Variants in DZIP1 observed in about 807,000 individuals in gnomAD.
DZIP1 encodes the protein DAZ interacting zinc finger protein 1.
In DZIP1, 97 loss-of-function variants were observed where a neutral mutation model predicts 107.6. The observed-to-expected ratio is 0.90, with a 90% CI of 0.77 to 1.07. The LOEUF (loss-of-function observed/expected upper bound fraction) is 1.07. Among genes scored for constraint, DZIP1 ranks in the 50% least tolerant of loss-of-function variants. The pLI is 0.00. For missense variants in DZIP1, 1,035 were observed against 1,063.6 expected (o/e 0.97, Z 0.37); for synonymous variants, 390 against 386.4 (o/e 1.01, Z -0.11).
intron 9 of DZIP1, among the ~76,000 whole-genome samples, chr13:95,621,747 C>T (rs906711252): frequency 6.7e-6 from 1 of 148,412 alleles, no homozygotes; most frequent in Non-Finnish European, 1.5e-5. Flanking sequence ...GACTGAGTAT[C>T]ACTCTTGTTG....
At chr13:95,613,454 G>C (rs1187848626) in intron 10 of DZIP1, among the ~76,000 whole-genome samples, 1 of 151,972 alleles carries the variant, frequency 6.6e-6, no homozygotes, top group Non-Finnish European at 1.5e-5. Context: ...AGAGGCTGCA[G>C]TGAGCCAAGA....
chr13:95,628,814 T>C (rs1876855441), intron 7 of DZIP1, among the ~76,000 whole-genome samples: 1 of 152,126 alleles, frequency 6.6e-6, no homozygotes, highest in Non-Finnish European at 1.5e-5. Flanking sequence ...CTTCCATTCA[T>C]ATGAGGTATC....
At chr13:95,610,345 C>T (rs953526403) in intron 12 of DZIP1, among the ~76,000 whole-genome samples, 1 of 151,242 alleles carries the variant, frequency 6.6e-6, no homozygotes, top group Non-Finnish European at 1.5e-5. Context: ...GGGTCTCACT[C>T]TGTCACCCAG....
intron 11 of DZIP1, among the ~76,000 whole-genome samples, chr13:95,611,792 A>G (rs2045015955): frequency 6.6e-6 from 1 of 152,186 alleles, no homozygotes; most frequent in Non-Finnish European, 1.5e-5. Flanking sequence ...ACTGAAAGAA[A>G]TTCTTACTTA....
intron 6 of DZIP1, among the ~76,000 whole-genome samples, chr13:95,630,356 A>G (rs115417167): frequency 1.8e-3 from 280 of 152,280 alleles, no homozygotes; most frequent in African/African-American, 6.2e-3. Flanking sequence ...GGATTATCCT[A>G]CATAGATACA....
In DZIP1 at chr13:95,641,431, C is replaced by A; in HGVS notation, c.461G>T (p.Cys154Phe). The A allele has an allele frequency of 6.2e-7, 1 of 1,614,190 alleles. No individual in the cohort carries two copies. Residue 154 changes from cysteine to phenylalanine, a missense_variant, in exon 5 of 23, where the codon TGC becomes TTC. Cys to Phe is a radical substitution (Grantham distance 205). Transcript: ENST00000376829. The surrounding 1 kb of genome is among the most constrained non-coding windows in gnomAD (Gnocchi z 4.3). ...CAGCTTCTTGCTCTGCTCGCCGTCG[C>A]AGTGGCTCAGGCGCAGCCGCTCCTC... Reference protein sequence around the residue: ...TLEERLRLSHCDGEQSKKLLT... With the variant: ...TLEERLRLSHFDGEQSKKLLT...
intron 6 of DZIP1, among the ~76,000 whole-genome samples, chr13:95,631,983 A>C (rs1281929396): frequency 6.6e-6 from 1 of 152,134 alleles, no homozygotes; most frequent in Non-Finnish European, 1.5e-5. Context: ...ATTTGATATG[A>C]CTGACCACTG....
At chr13:95,643,748 A>T (rs759124482) in intron 1 of DZIP1, 50 bp from the exon 2 acceptor site, 9 of 152,680 alleles carry the variant, frequency 5.9e-5, no homozygotes, top group Non-Finnish European at 8.8e-5. Context: ...CTGAATGGAC[A>T]CGTGAATGAA....
rs536467966 is a variant in DZIP1 at position 95,587,581 on chromosome 13, C to T, written c.2176G>A (p.Gly726Arg). ...TVKSDADGTE[G>R]SEIEDTDDSP... is the part of the protein sequence containing the mutation. Reference sequence around the variant, plus strand: ...TCATCAGTGTCCTCGATTTCGCTTCCCTCGGTCCCGTCCGCGTCACTTTTC... The same window carrying T: ...TCATCAGTGTCCTCGATTTCGCTTCTCTCGGTCCCGTCCGCGTCACTTTTC... The change falls in exon 20 of 23, where the codon GGA becomes AGA. Residue 726 changes from glycine (G) to arginine (R), a missense_variant. Transcript: ENST00000376829. 2.5e-6 allele frequency: 4 copies of T among 1,614,104 alleles called. No individual in the cohort carries two copies. In the South Asian group the frequency reaches 4.4e-5, roughly 18 times the overall value.
At position 95,587,576 on chromosome 13, in the gene DZIP1, G is replaced by C. The variant is rs371016866; in HGVS notation, c.2181C>G (p.Ser727Arg). 1.2e-6 allele frequency: 2 copies of C among 1,613,926 alleles called. No homozygotes were observed. Among genetic ancestry groups the C allele is most frequent in the South Asian group, 2.2e-5 (2 of 91,048 alleles). Residue 727 changes from serine to arginine, a missense_variant, in exon 20 of 23, where the codon AGC (serine) becomes AGG (arginine). Ser to Arg is a moderately radical substitution (Grantham distance 110). Coordinates refer to ENST00000376829, the MANE Select transcript of DZIP1 (RefSeq NM_198968.4). ...GAGAATCATCAGTGTCCTCGATTTC[G>C]CTTCCCTCGGTCCCGTCCGCGTCAC... ...VKSDADGTEG[S>R]EIEDTDDSPK...
At position 95,578,223 on chromosome 13, in the gene DZIP1, C is replaced by T; in HGVS notation, c.*4011G>A. The T allele has an allele frequency of 2.7e-6, 1 of 372,888 alleles. No individual in the cohort carries two copies. The highest frequency in any genetic ancestry group is 4.8e-6 in the Non-Finnish European group (1 of 208,088). The allele number at this position is 372,888 out of a possible 1,614,324, so 23.1% of individuals were successfully genotyped here. On this transcript the variant is annotated 3_prime_UTR_variant, in exon 23 of 23. Transcript: ENST00000376829. Reference sequence around the variant, plus strand: ...GTTGTGGCTTTCTATAAAAAATAAACAGTTTATTTACAGGATTTGTAAAAT... The same window carrying T: ...GTTGTGGCTTTCTATAAAAAATAAATAGTTTATTTACAGGATTTGTAAAAT...
chr13:95,592,981 TAA>T (rs554426842), intron 16 of DZIP1, among the ~76,000 whole-genome samples: 173 of 152,292 alleles, frequency 1.1e-3, no homozygotes, highest in African/African-American at 4.0e-3. Context: ...TAGCAGAAAG[TAA>T]AAGAGAGTCT....
At position 95,642,083 on chromosome 13, in the gene DZIP1, GC is replaced by G; in HGVS notation, c.-55del. 1 of 1,483,204 alleles carries G rather than the reference GC, an allele frequency of 6.7e-7. No homozygotes were observed. Among genetic ancestry groups the G allele is most frequent in the Non-Finnish European group, 8.9e-7 (1 of 1,126,246 alleles). 91.9% of individuals were successfully genotyped at this position (1,483,204 alleles called of 1,614,324 possible). A position where few individuals can be genotyped will look rare whatever the true frequency, so the allele number is the denominator to read the frequency against. On this transcript the variant is annotated 5_prime_UTR_variant, in exon 4 of 23. Transcript: ENST00000376829. ...CTGGGCCGCCTCCCGGGCCGCCGCC[GC>G]CACAGCCCTCAGGAGCGGGAGAAGG...
At chr13:95,639,492 G>A (rs370611831) in intron 5 of DZIP1, among the ~76,000 whole-genome samples, 1 of 151,608 alleles carries the variant, frequency 6.6e-6, no homozygotes, top group East Asian at 1.9e-4. Context: ...TCAAGAAGCT[G>A]AGGTGGGAAA....
At chr13:95,596,794 T>C (rs2044468973) in intron 15 of DZIP1, among the ~76,000 whole-genome samples, 2 of 152,214 alleles carry the variant, frequency 1.3e-5, no homozygotes, top group African/African-American at 4.8e-5. Context: ...TACTTCTTAG[T>C]AAAAGCCACA....
intron 14 of DZIP1, among the ~76,000 whole-genome samples, chr13:95,603,396 A>C (rs1248522463): frequency 6.6e-6 from 1 of 151,446 alleles, no homozygotes; most frequent in Non-Finnish European, 1.5e-5. Flanking sequence ...TGCATACATA[A>C]GCCCCTCACA....
rs1875969492 is a variant in DZIP1, at chr13:95,622,349, A to G, written c.1104T>C (p.Asp368=). The change falls in exon 9 of 23, where the codon GAT becomes GAC. Residue 368 remains aspartate (D), a synonymous_variant. Coordinates refer to ENST00000376829, the MANE Select transcript of DZIP1 (RefSeq NM_198968.4). The part of the protein sequence containing the change: ...QDFHNVMQLL[D]SQESKWTARV... ...GTCACCCACTTGCACGTACCTGACT[A>G]TCAAGAAGCTGCATGACATTATGGA... is the stretch of plus-strand genomic sequence containing the variant. 3 of 1,614,228 alleles carry G rather than the reference A, an allele frequency of 1.9e-6. No homozygotes were observed. The highest frequency in any genetic ancestry group is 1.3e-5 in the African/African-American group (1 of 75,070).
At chr13:95,587,891 G>T in intron 19 of DZIP1, 162 bp from the exon 20 acceptor site, 2 of 804,690 alleles carry the variant, frequency 2.5e-6, no homozygotes, top group Non-Finnish European at 3.8e-6. Flanking sequence ...GAGGCCAGAG[G>T]TTATACCCAC....
chr13:95,632,295 G>A (rs560715877), intron 6 of DZIP1, among the ~76,000 whole-genome samples: 19 of 152,156 alleles, frequency 1.2e-4, no homozygotes, highest in Admixed American at 2.6e-4. Context: ...ACGCACCCAT[G>A]GCAAGTACAA....
Sources: gnomAD v4.1 joint callset for allele counts (sites outside exome capture counted in the v4.1 genomes callset) on GRCh38, gnomAD v4.1.1 for gene constraint, Gnocchi (gnomAD v3.1) non-coding constraint, MANE v1.5 for transcripts, NCBI Gene and HGNC (gene_info 2026-07-23, HGNC 2026-07-21) for gene names.